HERC1: variants seen among roughly 807,000 people sequenced by gnomAD.
HERC1 encodes HECT and RLD domain containing E3 ubiquitin protein ligase family member 1.
Under a neutral mutation model 554.3 loss-of-function variants are expected in HERC1, and 160 were observed. The ratio of observed to expected loss-of-function variants is 0.29; its 90% CI spans 0.25 to 0.33. HERC1 has a LOEUF of 0.33. Ranked by LOEUF, HERC1 falls within the 10% of genes least tolerant of loss-of-function variation. HERC1 has a pLI of 1.00. For synonymous variants in HERC1, 2,175 were observed against 2,131.7 expected (o/e 1.02, Z -0.56); for missense variants, 4,919 against 5,918.5 (o/e 0.83, Z 5.54).
chr15:63,674,307 A>T, intron 38 of HERC1, 35 bp downstream of exon 38: 2 of 1,517,888 alleles, frequency 1.3e-6, no homozygotes, highest in Non-Finnish European at 1.8e-6. Flanking sequence ...TCTCAACAGC[A>T]CAAAAGCAAA....
intron 22 of HERC1, among the ~76,000 whole-genome samples, chr15:63,715,171 T>C (rs1440598650): frequency 1.3e-5 from 2 of 152,216 alleles, no homozygotes; most frequent in Non-Finnish European, 2.9e-5. Context: ...TTCATTCATC[T>C]TTAGAATGAG....
At chr15:63,719,065 T>C (rs2073693184) in intron 19 of HERC1, among the ~76,000 whole-genome samples, 168 bp from the exon 20 acceptor site, 1 of 152,216 alleles carries the variant, frequency 6.6e-6, no homozygotes, top group South Asian at 2.1e-4. Context: ...GCTGTGGATA[T>C]AGCAGTGAAC....
chr15:63,687,680 T>A (rs1003918490), intron 33 of HERC1, among the ~76,000 whole-genome samples: 5 of 152,186 alleles, frequency 3.3e-5, no homozygotes, highest in South Asian at 2.1e-4. Flanking sequence ...ATAGAACTTT[T>A]ATTTTGGAAG....
intron 19 of HERC1, among the ~76,000 whole-genome samples, chr15:63,720,103 C>CCTTTTTTTTTTTTTTTT (rs2073747290): frequency 2.8e-5 from 2 of 71,606 alleles, no homozygotes; most frequent in South Asian, 4.2e-4. Flanking sequence ...TTTTTCTTCC[C>CCTTTTTTTTTTTTTTTT]TTTTTTTTTT....
intron 19 of HERC1, among the ~76,000 whole-genome samples, chr15:63,721,653 G>GT (rs2073827200): frequency 6.6e-6 from 1 of 151,976 alleles, no homozygotes; most frequent in African/African-American, 2.4e-5. Flanking sequence ...AAGTAAAAAT[G>GT]TATTTATTTT....
intron 11 of HERC1, among the ~76,000 whole-genome samples, 179 bp from the exon 12 acceptor site, chr15:63,747,262 C>G (rs951301395): frequency 6.6e-6 from 1 of 152,088 alleles, no homozygotes; most frequent in Non-Finnish European, 1.5e-5. Context: ...GAGTTAGAGA[C>G]TAGCCTGGCC....
At chr15:63,681,677 C>T (rs879118181) in intron 34 of HERC1, among the ~76,000 whole-genome samples, 3 of 152,156 alleles carry the variant, frequency 2.0e-5, no homozygotes, top group Non-Finnish European at 2.9e-5. Context: ...TGAATACCTG[C>T]TCTCCTTCTG....
At chr15:63,676,791 A>C (rs1182409657) in intron 37 of HERC1, among the ~76,000 whole-genome samples, 1 of 152,216 alleles carries the variant, frequency 6.6e-6, no homozygotes, top group Non-Finnish European at 1.5e-5. Context: ...AAAATTTAAA[A>C]AGATATTGTT....
At chr15:63,819,273 T>C (rs1006106846) in intron 1 of HERC1, among the ~76,000 whole-genome samples, 5 of 152,176 alleles carry the variant, frequency 3.3e-5, no homozygotes, top group African/African-American at 9.7e-5. Context: ...GGCTCATTCC[T>C]AAGGCAGCTC....
At chr15:63,777,806 T>C (rs546462548) in intron 1 of HERC1, among the ~76,000 whole-genome samples, 4 of 152,222 alleles carry the variant, frequency 2.6e-5, no homozygotes, top group Non-Finnish European at 5.9e-5. Context: ...TAATCACCTA[T>C]ACAAAACCAC....
intron 38 of HERC1, among the ~76,000 whole-genome samples, chr15:63,672,906 C>G (rs1477386435): frequency 6.6e-6 from 1 of 152,138 alleles, no homozygotes; most frequent in Non-Finnish European, 1.5e-5. Flanking sequence ...ACTCTACAGA[C>G]AGTATTGTAA....
intron 1 of HERC1, among the ~76,000 whole-genome samples, chr15:63,789,118 T>G (rs1415218081): frequency 2.6e-5 from 3 of 115,752 alleles, no homozygotes; most frequent in African/African-American, 1.0e-4. Context: ...TGAGACGGAG[T>G]CTCGCTCTGT....
rs1406550846 is a variant in HERC1, at chr15:63,694,938, A to G, written c.5122-44T>C. ...ATTACTTTTTCTATTAGCAACAATA[A>G]TACCTGCTTGCAAAAAGAAGTAATA... On this transcript the variant is annotated intron_variant, in intron 27 of 77. Transcript: ENST00000443617. This position sits in a 1 kb window ranked among gnomAD's most constrained non-coding sequence, Gnocchi z 4.3. 2.6e-6 allele frequency: 4 copies of G among 1,562,186 alleles called. No homozygotes were observed. Among genetic ancestry groups the G allele is most frequent in the Non-Finnish European group, 3.5e-6 (4 of 1,150,816 alleles).
chr15:63,725,872 C>G (rs1049119819), intron 17 of HERC1, among the ~76,000 whole-genome samples: 1 of 151,778 alleles, frequency 6.6e-6, no homozygotes, highest in Non-Finnish European at 1.5e-5. Context: ...AATCAACACA[C>G]AAATTTATCC....
At position 63,685,906 on chromosome 15, in the gene HERC1, A is replaced by C. The variant is rs190403224; in HGVS notation, c.6225+453T>G. On this transcript the variant is annotated intron_variant, in intron 34 of 77. Transcript: ENST00000443617. ...CTTATTGTATCTAGATTGTACAAAC[A>C]ATATGGTTTATGCTAAATACTAGCT... Among the ~76,000 whole-genome samples, 3 of 152,350 alleles carry C rather than the reference A, an allele frequency of 2.0e-5. No homozygotes were observed. The East Asian group carries it at 5.8e-4, about 29-fold the overall frequency.
chr15:63,816,590 G>C (rs529594105), intron 1 of HERC1, among the ~76,000 whole-genome samples: 368 of 152,268 alleles, frequency 2.4e-3, no homozygotes, highest in Non-Finnish European at 3.9e-3. Context: ...TTTATTTCAT[G>C]ATGAGATTTT....
At chr15:63,685,377 G>T (rs2071697550) in intron 34 of HERC1, among the ~76,000 whole-genome samples, 2 of 152,202 alleles carry the variant, frequency 1.3e-5, no homozygotes, top group South Asian at 4.1e-4. Context: ...CTGATTACAG[G>T]TGCCCTAATA....
At chr15:63,619,239 A>C (rs1224059478) in intron 74 of HERC1, among the ~76,000 whole-genome samples, 1 of 152,190 alleles carries the variant, frequency 6.6e-6, no homozygotes, top group Non-Finnish European at 1.5e-5. Context: ...CCTTTTCTGC[A>C]CCTATTGAGA....
rs138360051 is a variant in HERC1 at position 63,612,344 on chromosome 15, C to A, written c.14307G>T (p.Arg4769=). The part of the protein sequence containing the change: ...HTLEEFSNEE[R]VLFMRFVSGR... The stretch of plus-strand genomic sequence containing the variant: ...CTGACACAAACCTCATGAAAAGCAC[C>A]CGCTCCTCATTGGAGAACTCTTCCA... Residue 4769 remains arginine, a synonymous_variant, in exon 77 of 78, where the codon CGG becomes CGT. Transcript: ENST00000443617. The surrounding 1 kb of genome is among the most constrained non-coding windows in gnomAD (Gnocchi z 5.0). The A allele has an allele frequency of 1.5e-5, 25 of 1,614,000 alleles. No homozygotes were observed. The Middle Eastern group carries it at 4.9e-4, about 32-fold the overall frequency.
Sources: gnomAD v4.1 joint callset for allele counts (sites outside exome capture counted in the v4.1 genomes callset) on GRCh38, gnomAD v4.1.1 for gene constraint, Gnocchi (gnomAD v3.1) non-coding constraint, MANE v1.5 for transcripts, NCBI Gene and HGNC (gene_info 2026-07-23, HGNC 2026-07-21) for gene names.